The following MMP2 variants were observed in gnomAD, a reference collection of about 807,000 sequenced individuals.
The protein encoded by MMP2 is matrix metallopeptidase 2.
Under a neutral mutation model 74.8 loss-of-function variants are expected in MMP2, and 39 were observed. The ratio of observed to expected loss-of-function variants is 0.52; its 90% confidence interval spans 0.40 to 0.68. The LOEUF (loss-of-function observed/expected upper bound fraction) is 0.68. Ranked by LOEUF, MMP2 falls within the 30% of genes least tolerant of loss-of-function variation. The pLI is 0.00. For missense variants in MMP2, 803 were observed against 878.3 expected (o/e 0.91, Z 1.08); for synonymous variants, 367 against 339.8 (o/e 1.08, Z -0.88).
chr16:55,485,873 G>T (rs1199200889), intron 5 of MMP2, 96 bp downstream of exon 5: 1 of 1,313,162 alleles, frequency 7.6e-7, no homozygotes, highest in Non-Finnish European at 1.1e-6. Flanking sequence ...TCCAGGACTG[G>T]CTGCCACTGC....
At position 55,505,474 on chromosome 16, in the gene MMP2, C is replaced by A. The variant is rs752682273; in HGVS notation, c.*32C>A. On this transcript the variant is annotated 3_prime_UTR_variant, in exon 13 of 13. Transcript: ENST00000219070. The stretch of plus-strand genomic sequence containing the variant: ...CCTGGCTCCCACAGGCCCTTCCTCT[C>A]CACTGCCTTCGATACACCGGGCCTG... 1.3e-6 allele frequency: 2 copies of A among 1,581,088 alleles called. No homozygotes were observed. Among genetic ancestry groups the A allele is most frequent in the African/African-American group, 2.7e-5 (2 of 74,256 alleles).
chr16:55,500,521 A>ACACACACACACACG (rs1962643606), intron 11 of MMP2, among the ~76,000 whole-genome samples: 3 of 151,718 alleles, frequency 2.0e-5, no homozygotes, highest in African/African-American at 7.3e-5. Flanking sequence ...ACACACACAC[A>ACACACACACACACG]CACACACACA....
chr16:55,481,621 C>T (rs765163706), intron 1 of MMP2: 5 of 480,276 alleles, frequency 1.0e-5, no homozygotes, highest in Middle Eastern at 4.7e-4. Context: ...CCCAGCCCCC[C>T]ACTCAAGATG....
intron 5 of MMP2, among the ~76,000 whole-genome samples, chr16:55,486,346 C>CGTGTGT (rs1555491716): frequency 0.024 from 1,043 of 43,770 alleles, 24 homozygotes; most frequent in African/African-American, 0.055. Flanking sequence ...TGTGTGTGTG[C>CGTGTGT]CTGTGTGTGT....
intron 3 of MMP2, 131 bp downstream of exon 3, chr16:55,484,295 G>T (rs1036000739): frequency 6.0e-5 from 68 of 1,128,950 alleles, no homozygotes; most frequent in Middle Eastern, 5.7e-4. Flanking sequence ...GTGGGCCCTG[G>T]GGGTGGTTTA....
chr16:55,503,002 C>T, intron 12 of MMP2, 114 bp downstream of exon 12: 1 of 843,632 alleles, frequency 1.2e-6, no homozygotes, highest in Non-Finnish European at 1.9e-6. Flanking sequence ...AGGCGGCGCC[C>T]AGGAAAACAA....
intron 1 of MMP2, among the ~76,000 whole-genome samples, chr16:55,481,375 A>C (rs958856984): frequency 6.6e-6 from 1 of 152,238 alleles, no homozygotes. Flanking sequence ...ATGCTAATAC[A>C]TTATAATTAG....
chr16:55,493,709 C>T (rs1567379099), intron 9 of MMP2, among the ~76,000 whole-genome samples: 1 of 152,172 alleles, frequency 6.6e-6, no homozygotes, highest in East Asian at 1.9e-4. Flanking sequence ...CCAAGACCTA[C>T]CCTAGAGGGT....
Position 55,481,888 on chromosome 16 carries a change from CAA to C in MMP2, c.154-1020_154-1019del, listed in dbSNP as rs375805680. On this transcript the variant is annotated intron_variant, in intron 1 of 12. Coordinates refer to ENST00000219070, the MANE Select transcript of MMP2 (RefSeq NM_004530.6). ...GCTTACCTAGCACATGGTAAGTACT[CAA>C]TAAGCACTAGCCATTATTCTATTAT... 4.5e-3 allele frequency: 3,380 copies of C among 755,076 alleles called. 32 individuals are homozygous for C. The highest frequency in any genetic ancestry group is 0.032 in the African/African-American group (1,887 of 58,506). The allele number at this position is 755,076 out of a possible 1,614,324, so 46.8% of individuals were successfully genotyped here. A position where few individuals can be genotyped will look rare whatever the true frequency, so the allele number is the denominator to read the frequency against.
At chr16:55,488,445 A>T in intron 5 of MMP2, 98 bp from the exon 6 acceptor site, 1 of 1,181,432 alleles carries the variant, frequency 8.5e-7, no homozygotes, top group African/African-American at 1.5e-5. Flanking sequence ...ACAATGCATC[A>T]ACTTCACTGG....
At chr16:55,483,919 T>A in intron 2 of MMP2, 97 bp from the exon 3 acceptor site, 1 of 1,363,736 alleles carries the variant, frequency 7.3e-7, no homozygotes, top group Non-Finnish European at 1.0e-6. Flanking sequence ...ACACACACAC[T>A]CAAACTTTTT....
At chr16:55,481,609 T>G in intron 1 of MMP2, 1 of 470,150 alleles carries the variant, frequency 2.1e-6, no homozygotes, top group South Asian at 4.2e-5. Context: ...AGCCTCATCT[T>G]ACCCAGCCCC....
At chr16:55,496,381 T>C (rs1962528952) in intron 9 of MMP2, among the ~76,000 whole-genome samples, 1 of 152,182 alleles carries the variant, frequency 6.6e-6, no homozygotes, top group Non-Finnish European at 1.5e-5. Context: ...TAATGCTAGG[T>C]AGACCATCCA....
chr16:55,481,969 G>T (rs1596806426), intron 1 of MMP2: 2 of 597,264 alleles, frequency 3.3e-6, no homozygotes, highest in East Asian at 2.9e-5. Flanking sequence ...CTTCCAACAA[G>T]GCTAGGACCG....
rs746451802 is a variant in MMP2 at position 55,485,696 on chromosome 16, G to C, written c.751G>C (p.Gly251Arg). ...GKEYNSCTDTGRSDGFLWCST... is the reference protein window; with the variant it reads ...GKEYNSCTDTRRSDGFLWCST... ...GGAGTACAACAGCTGCACTGATACC[G>C]GCCGCAGCGATGGCTTCCTCTGGTG... is the stretch of plus-strand genomic sequence containing the variant. Residue 251 changes from glycine (G) to arginine (R), a missense_variant, in exon 5 of 13, where the codon GGC becomes CGC. By Grantham distance (125) the Gly-to-Arg change is moderately radical. Transcript: ENST00000219070. 1.2e-6 allele frequency: 2 copies of C among 1,614,082 alleles called. No homozygotes were observed. The highest frequency in any genetic ancestry group is 2.2e-5 in the South Asian group (2 of 91,080).
chr16:55,484,947 A>C (rs1326486357), intron 3 of MMP2, among the ~76,000 whole-genome samples: 3 of 152,126 alleles, frequency 2.0e-5, no homozygotes, highest in African/African-American at 7.2e-5. Flanking sequence ...TATTGACAGG[A>C]TGGAGGATGG....
chr16:55,503,132 G>A (rs1181117427), intron 12 of MMP2, among the ~76,000 whole-genome samples: 2 of 152,206 alleles, frequency 1.3e-5, no homozygotes, highest in South Asian at 2.1e-4. Flanking sequence ...TGGAGCCAGG[G>A]CAGGGGAGGG....
chr16:55,505,816 C>G lies in MMP2; in HGVS notation c.*374C>G, dbSNP rs1298451054. The G allele has an allele frequency of 3.0e-6, 1 of 334,160 alleles. No individual in the cohort carries two copies. Among genetic ancestry groups the G allele is most frequent in the Admixed American group, 4.2e-5 (1 of 23,552 alleles). 20.7% of individuals were successfully genotyped at this position (334,160 alleles called of 1,614,324 possible). Reference sequence around the variant, plus strand: ...ACAGAACCCTTGGAGCCAATGGAGACTGTCTCAAGAGGGCACTGGTGGCCC... The same window carrying G: ...ACAGAACCCTTGGAGCCAATGGAGAGTGTCTCAAGAGGGCACTGGTGGCCC... On this transcript the variant is annotated 3_prime_UTR_variant, in exon 13 of 13. Coordinates refer to ENST00000219070, the MANE Select transcript of MMP2 (RefSeq NM_004530.6).
At chr16:55,491,684 G>A (rs553204081) in intron 7 of MMP2, 117 bp from the exon 8 acceptor site, 1 of 1,173,612 alleles carries the variant, frequency 8.5e-7, no homozygotes, top group East Asian at 2.4e-5. Flanking sequence ...CCGCTTCCAG[G>A]GTTCTCAGCC....
Sources: gnomAD v4.1 joint callset for allele counts (sites outside exome capture counted in the v4.1 genomes callset) on GRCh38, gnomAD v4.1.1 for gene constraint, MANE v1.5 for transcripts, NCBI Gene and HGNC (gene_info 2026-07-23, HGNC 2026-07-21) for gene names.